PCSK4: variants seen among roughly 807,000 people sequenced by gnomAD.
PCSK4 encodes testicular tissue protein Li 135.
Under a neutral mutation model 80.3 loss-of-function variants are expected in PCSK4, and 64 were observed. The ratio of observed to expected loss-of-function variants is 0.80; its 90% CI spans 0.65 to 0.98. PCSK4 has a LOEUF of 0.98. Ranked by LOEUF, PCSK4 falls within the 50% of genes least tolerant of loss-of-function variation. PCSK4 has a pLI of 0.00. For missense variants in PCSK4, 1,213 were observed against 1,093.6 expected (o/e 1.11, Z -1.54); for synonymous variants, 561 against 487.6 (o/e 1.15, Z -1.98).
At chr19:1,482,118 C>T in exon 15 of PCSK4, 1 of 1,553,018 alleles carries the variant, frequency 6.4e-7, no homozygotes, top group Non-Finnish European at 8.7e-7. Context: ...TGCCCAGGCC[C>T]AGCGGTCACC....
At chr19:1,483,385 C>T in exon 12 of PCSK4, 2 of 1,606,396 alleles carry the variant, frequency 1.2e-6, no homozygotes, top group Non-Finnish European at 8.5e-7. Flanking sequence ...CCTGCACGTG[C>T]TCCAGCGAGC....
chr19:1,487,111 C>T lies in PCSK4; in HGVS notation c.855+30G>A, dbSNP rs899024610. 19 of 1,601,956 alleles carry T rather than the reference C, an allele frequency of 1.2e-5. No individual in the cohort carries two copies. In the Admixed American group the frequency reaches 2.2e-4, roughly 18 times the overall value. ...GGGAGGGGGCGTCGGCCTGGCCTGCCACCCCTGCCCTCCTCGGGCTGCCAC... is the reference window on the plus strand; with the variant it reads ...GGGAGGGGGCGTCGGCCTGGCCTGCTACCCCTGCCCTCCTCGGGCTGCCAC... On this transcript the variant is annotated intron_variant, in intron 7 of 14. Transcript: ENST00000300954.
At chr19:1,483,172 C>T in intron 12 of PCSK4, 112 bp downstream of exon 12, 2 of 1,283,594 alleles carry the variant, frequency 1.6e-6, no homozygotes, top group Non-Finnish European at 2.1e-6. Context: ...ACCAACTAGG[C>T]TGCCGTGTGA....
At chr19:1,490,253 G>T in exon 1 of PCSK4, 1 of 1,610,842 alleles carries the variant, frequency 6.2e-7, no homozygotes, top group Non-Finnish European at 8.5e-7. Flanking sequence ...ACATAGATGG[G>T]GGCTCGGACC....
At position 1,487,250 on chromosome 19, in the gene PCSK4, G is replaced by A. The variant is rs200868171; in HGVS notation, c.746C>T (p.Pro249Leu). 1.5e-4 allele frequency: 238 copies of A among 1,604,584 alleles called. 2 individuals carry two copies. The East Asian group carries it at 3.3e-3, about 22-fold the overall frequency. Residue 249 changes from proline to leucine, a missense_variant, in exon 7 of 15, where the codon CCG becomes CTG. By Grantham distance (98) the Pro-to-Leu change is moderately conservative (BLOSUM62 -3). Transcript: ENST00000300954. The stretch of plus-strand genomic sequence containing the variant: ...GGCGCTGTAAATGTGGATGTGCTGC[G>A]GCTGCAGGCTCAGCGACTGGGCCTC...
exon 13 of PCSK4, chr19:1,482,931 A>C (rs2084380817): frequency 1.3e-6 from 2 of 1,491,524 alleles, no homozygotes; most frequent in East Asian, 5.9e-5. Flanking sequence ...CTCTAGGCCC[A>C]GGGTCCACAC....
At chr19:1,483,329 G>C (rs765399954) in exon 12 of PCSK4, 8 of 1,609,544 alleles carry the variant, frequency 5.0e-6, no homozygotes, top group East Asian at 4.5e-5. Flanking sequence ...GCTGGTGAGC[G>C]AGATCTCCAG....
chr19:1,482,540 T>A, intron 13 of PCSK4, 65 bp from the exon 14 acceptor site: 2 of 1,545,900 alleles, frequency 1.3e-6, no homozygotes, highest in Non-Finnish European at 1.7e-6. Context: ...GTCCTGGTAG[T>A]CCCCGGGCTC....
Position 1,482,039 on chromosome 19 carries a change from G to T in PCSK4, c.1988C>A (p.Ser663Tyr), listed in dbSNP as rs766741880. Residue 663 changes from serine (S) to tyrosine (Y), a missense_variant, in exon 15 of 15, where the codon TCC becomes TAC. Physicochemically the swap from Ser to Tyr is moderately radical, Grantham distance 144. Coordinates refer to ENST00000300954, the Ensembl canonical transcript of PCSK4. ...GGGACAGGAGGTGCAGTCCCTCGGG[G>T]AGCCGCCGCGGCAGGTGTAGCAGGA... The T allele has an allele frequency of 3.8e-6, 6 of 1,562,168 alleles. No individual in the cohort carries two copies. The African/African-American group carries it at 8.1e-5, about 21-fold the overall frequency.
rs774111281 is a variant in PCSK4, at chr19:1,487,141, C to T, written c.855G>A (p.Lys285=). Residue 285 remains lysine (K), a splice_region_variant and synonymous_variant, in exon 7 of 15, where the codon AAG becomes AAA. Transcript: ENST00000300954. Reference sequence around the variant, plus strand: ...CTGCCCTCCTCGGGCTGCCACTCACCTTGGTCACACCACGCCGGAAGGCCT... The same window carrying T: ...CTGCCCTCCTCGGGCTGCCACTCACTTTGGTCACACCACGCCGGAAGGCCT... The T allele has an allele frequency of 5.0e-6, 8 of 1,604,594 alleles. No individual in the cohort carries two copies. The highest frequency in any genetic ancestry group is 6.8e-6 in the Non-Finnish European group (8 of 1,177,792).
At chr19:1,485,435 C>T (rs1276816510) in intron 8 of PCSK4, among the ~76,000 whole-genome samples, 1 of 151,998 alleles carries the variant, frequency 6.6e-6, no homozygotes, top group African/African-American at 2.4e-5. Flanking sequence ...GACATGGTGG[C>T]ATGCTTGTGG....
chr19:1,481,725 G>A (rs1195480340), exon 15 of PCSK4: 2 of 1,436,162 alleles, frequency 1.4e-6, no homozygotes, highest in Non-Finnish European at 1.9e-6. Context: ...CAGGGACCCA[G>A]GCGGGGGCAA....
Position 1,482,011 on chromosome 19 carries a change from TG to T in PCSK4, c.2015del (p.Pro672HisfsTer41). ...CCTGCTGCTGGTCCAGCGTGGAGGATGGGGGACAGGAGGTGCAGTCCCTCGG... is the reference window on the plus strand; with the variant it reads ...CCTGCTGCTGGTCCAGCGTGGAGGATGGGGACAGGAGGTGCAGTCCCTCGG... On this transcript the variant is annotated frameshift_variant, in exon 15 of 15. Coordinates refer to ENST00000300954, the Ensembl canonical transcript of PCSK4. LOFTEE classifies it low-confidence loss of function (END_TRUNC). 1 of 1,581,662 alleles carries T rather than the reference TG, an allele frequency of 6.3e-7. No individual in the cohort carries two copies.
chr19:1,482,993 G>A, exon 13 of PCSK4: 2 of 1,420,220 alleles, frequency 1.4e-6, no homozygotes, highest in South Asian at 2.3e-5. Context: ...CCCAGTTGTT[G>A]TAGCCTTCAG....
exon 1 of PCSK4, chr19:1,490,295 G>C: frequency 2.6e-6 from 4 of 1,567,092 alleles, no homozygotes; most frequent in Non-Finnish European, 3.5e-6. Flanking sequence ...GGGCGGACAA[G>C]GGCCAGGGCC....
At chr19:1,486,829 C>A (rs765894474) in intron 8 of PCSK4, 24 bp downstream of exon 8, 1 of 1,573,736 alleles carries the variant, frequency 6.4e-7, no homozygotes, top group Admixed American at 1.8e-5. Flanking sequence ...GGGGAGGGGA[C>A]CCTGTTGGGG....
intron 3 of PCSK4, 45 bp from the exon 4 acceptor site, chr19:1,488,137 G>C (rs1370172327): frequency 6.2e-7 from 1 of 1,612,992 alleles, no homozygotes; most frequent in Non-Finnish European, 8.5e-7. Context: ...GCCTGGAGTT[G>C]AGGGCGCCAG....
chr19:1,483,952 C>A lies in PCSK4; in HGVS notation c.1170-11G>T. The A allele has an allele frequency of 1.1e-6, 1 of 939,220 alleles. No individual in the cohort carries two copies. The highest frequency in any genetic ancestry group is 1.5e-6 in the Non-Finnish European group (1 of 660,656). 58.2% of individuals were successfully genotyped at this position (939,220 alleles called of 1,614,324 possible). A position where few individuals can be genotyped will look rare whatever the true frequency, so the allele number is the denominator to read the frequency against. On this transcript the variant is annotated splice_polypyrimidine_tract_variant and intron_variant, in intron 9 of 14. Transcript: ENST00000300954. The stretch of plus-strand genomic sequence containing the variant: ...CACGTCAGGAACGGGCTGCGGGGGG[C>A]GGGGGCGGGGGCGGGTGAGCCGCCG...
At chr19:1,489,340 G>A (rs1022665414) in intron 2 of PCSK4, among the ~76,000 whole-genome samples, 5 of 152,036 alleles carry the variant, frequency 3.3e-5, no homozygotes, top group South Asian at 2.1e-4. Flanking sequence ...CACCGTGTTC[G>A]CTAGGATCTC....
Sources: gnomAD v4.1 joint callset for allele counts (sites outside exome capture counted in the v4.1 genomes callset) on GRCh38, gnomAD v4.1.1 for gene constraint, MANE v1.5 for transcripts, NCBI Gene and HGNC (gene_info 2026-07-23, HGNC 2026-07-21) for gene names.